The following RGL3 variants were observed in gnomAD, a reference collection of about 807,000 sequenced individuals.
RGL3 encodes ral guanine nucleotide dissociation stimulator like 3.
In RGL3, 85 loss-of-function variants were observed where a neutral mutation model predicts 90.6. That is an observed-to-expected ratio of 0.94 (90% CI 0.79 to 1.12). The LOEUF (loss-of-function observed/expected upper bound fraction) is 1.12, where lower values mean the gene tolerates loss of function less well. RGL3 is among the 50% of genes most tolerant of loss of function. The probability of loss-of-function intolerance (pLI) is 0.00; values close to 1 mark genes in which losing one functional copy is unlikely to be tolerated. For missense variants in RGL3, 1,034 were observed against 939.2 expected (o/e 1.10, Z -1.32); for synonymous variants, 408 against 385.5 (o/e 1.06, Z -0.68).
rs960424571 is a variant in RGL3 at position 11,394,229 on chromosome 19, T to C, written c.*173A>G. ...CCCATGGGCTGATGTCTTTGGAATA[T>C]GGATCTAGTACCAACAGAGTCAGAA... On this transcript the variant is annotated 3_prime_UTR_variant, in exon 19 of 19. Coordinates refer to ENST00000380456, the MANE Select transcript of RGL3 (RefSeq NM_001035223.4). The C allele has an allele frequency of 8.0e-6, 5 of 623,684 alleles. No individual in the cohort carries two copies. The African/African-American group carries it at 9.2e-5, about 11-fold the overall frequency. 38.6% of individuals were successfully genotyped at this position (623,684 alleles called of 1,614,324 possible).
chr19:11,401,170 G>C (rs979586196), intron 13 of RGL3, among the ~76,000 whole-genome samples: 1 of 151,616 alleles, frequency 6.6e-6, no homozygotes, highest in Non-Finnish European at 1.5e-5. Context: ...GAATGCTAAA[G>C]TTGAGGTCAG....
rs1216394687 is a variant in RGL3, at chr19:11,413,830, G to A, written c.637+2107C>T. Among the ~76,000 whole-genome samples the A allele has an allele frequency of 2.7e-5, 4 of 147,186 alleles. No homozygotes were observed. The East Asian group carries it at 6.1e-4, about 22-fold the overall frequency. On this transcript the variant is annotated intron_variant, in intron 5 of 18. Coordinates refer to ENST00000380456, the MANE Select transcript of RGL3 (RefSeq NM_001035223.4). ...TTGATCTCAGCTCACTGCAAGCTCC[G>A]CCTCCCAGGTTCGCGCCATTCTCCT... is the stretch of plus-strand genomic sequence containing the variant.
chr19:11,400,035 C>T lies in RGL3; in HGVS notation c.1649+5G>A, dbSNP rs915260141. The T allele has an allele frequency of 2.5e-6, 4 of 1,603,430 alleles. No homozygotes were observed. The highest frequency in any genetic ancestry group is 1.3e-5 in the African/African-American group (1 of 74,150). The stretch of plus-strand genomic sequence containing the variant: ...CCCAGTCCCATCACCAAGCAGAATG[C>T]TCACCTGGAGGTGGGGGATGAGGGG... On this transcript the variant is annotated splice_donor_5th_base_variant and intron_variant, in intron 15 of 18. Transcript: ENST00000380456.
intron 9 of RGL3, among the ~76,000 whole-genome samples, chr19:11,404,466 G>A: frequency 6.6e-6 from 1 of 152,232 alleles, no homozygotes; most frequent in East Asian, 1.9e-4. Flanking sequence ...GGTGGAGGTT[G>A]CAGTGAGCCA....
At position 11,397,349 on chromosome 19, in the gene RGL3, G is replaced by T. The variant is rs1360824223; in HGVS notation, c.1909C>A (p.Gln637Lys). 6.2e-7 allele frequency: 1 copy of T among 1,602,730 alleles called. No individual in the cohort carries two copies. The highest frequency in any genetic ancestry group is 1.3e-5 in the African/African-American group (1 of 74,780). ...NLYRSILLTS[Q>K]DKAPSVVRRA... ...CGGACCACGCTGGGGGCTTTGTCCT[G>T]ACTGGTCAGCTGGAAGAGAGGGGCG... is the stretch of plus-strand genomic sequence containing the variant. Residue 637 changes from glutamine (Q) to lysine (K), a missense_variant, in exon 18 of 19, where the codon CAG (glutamine) becomes AAG (lysine). By Grantham distance (53) the Gln-to-Lys change is moderately conservative. Transcript: ENST00000380456.
intron 8 of RGL3, 28 bp from the exon 9 acceptor site, chr19:11,405,259 G>A (rs1339958154): frequency 3.1e-6 from 5 of 1,613,062 alleles, no homozygotes; most frequent in Admixed American, 3.3e-5. Flanking sequence ...GGGTGGTCAG[G>A]GGTCAGTGGC....
intron 5 of RGL3, among the ~76,000 whole-genome samples, chr19:11,415,544 C>T (rs1460338383): frequency 6.6e-6 from 1 of 151,968 alleles, no homozygotes; most frequent in Non-Finnish European, 1.5e-5. Context: ...GGCACGATCT[C>T]GACTCACCGC....
At chr19:11,414,501 A>ATATATATATATATATACC (rs1968953104) in intron 5 of RGL3, among the ~76,000 whole-genome samples, 3 of 75,950 alleles carry the variant, frequency 3.9e-5, no homozygotes, top group African/African-American at 1.5e-4. Flanking sequence ...ATATATATAT[A>ATATATATATATATATACC]TATATATATA....
rs1416513298 is a variant in RGL3 at position 11,402,684 on chromosome 19, T to TG, written c.1207dup (p.Gln403ProfsTer46). On this transcript the variant is annotated frameshift_variant, in exon 10 of 19. Coordinates refer to ENST00000380456, the MANE Select transcript of RGL3 (RefSeq NM_001035223.4). LOFTEE classifies it high-confidence loss of function. ...GCTGCCTGGGGTGTTGTCCTCTTCTTGGGATCCCTCAGTGGCCTCCTCCTG... is the reference window on the plus strand; with the variant it reads ...GCTGCCTGGGGTGTTGTCCTCTTCTTGGGGATCCCTCAGTGGCCTCCTCCTG... The TG allele has an allele frequency of 6.2e-7, 1 of 1,613,636 alleles. No individual in the cohort carries two copies. The highest frequency in any genetic ancestry group is 8.5e-7 in the Non-Finnish European group (1 of 1,179,906).
chr19:11,410,845 AT>A (rs1039157981), intron 5 of RGL3, among the ~76,000 whole-genome samples: 1 of 151,114 alleles, frequency 6.6e-6, no homozygotes, highest in African/African-American at 2.4e-5. Flanking sequence ...AAAATGACCC[AT>A]TTTTTTTGCC....
At position 11,405,148 on chromosome 19, in the gene RGL3, T is replaced by C; in HGVS notation, c.1184A>G (p.Gln395Arg). The change falls in exon 9 of 19, where the codon CAG (glutamine) becomes CGG (arginine). Residue 395 changes from glutamine to arginine, a missense_variant and splice_region_variant. Coordinates refer to ENST00000380456, the MANE Select transcript of RGL3 (RefSeq NM_001035223.4). ...NHLSSREILFQEEATEGSQEE... is the reference protein window; with the variant it reads ...NHLSSREILFREEATEGSQEE... ...CCTGGAGTCTGCATCCATCTCTACC[T>C]GGAAAAGAATCTCTCTGCTGCTGAG... The C allele has an allele frequency of 1.2e-6, 2 of 1,613,756 alleles. No individual in the cohort carries two copies. The highest frequency in any genetic ancestry group is 1.1e-5 in the South Asian group (1 of 91,082).
chr19:11,397,204 C>A, intron 18 of RGL3, 40 bp downstream of exon 18: 1 of 1,571,660 alleles, frequency 6.4e-7, no homozygotes, highest in South Asian at 1.1e-5. Context: ...CTCGCCTCCC[C>A]GCTGCCCCCT....
intron 5 of RGL3, among the ~76,000 whole-genome samples, chr19:11,407,642 G>A (rs1156720048): frequency 6.6e-6 from 1 of 151,126 alleles, no homozygotes; most frequent in Non-Finnish European, 1.5e-5. Context: ...ATGCAAACTC[G>A]TCCACTAGCT....
At chr19:11,410,524 A>C (rs1192760734) in intron 5 of RGL3, among the ~76,000 whole-genome samples, 4 of 151,926 alleles carry the variant, frequency 2.6e-5, no homozygotes, top group Admixed American at 6.6e-5. Flanking sequence ...TCTACATAAA[A>C]AAATTTTTAA....
intron 1 of RGL3, 56 bp from the exon 2 acceptor site, chr19:11,418,840 C>A: frequency 7.2e-7 from 1 of 1,386,122 alleles, no homozygotes; most frequent in East Asian, 2.6e-5. Context: ...GGGGCCTCAG[C>A]CTCCTTGGCC....
chr19:11,405,478 C>G (rs755074415), intron 7 of RGL3, 52 bp from the exon 8 acceptor site: 13 of 407,498 alleles, frequency 3.2e-5, no homozygotes, highest in African/African-American at 2.6e-4. Context: ...CACCTTTCAT[C>G]CTGAAACTTC....
chr19:11,402,396 G>A, intron 11 of RGL3, 59 bp downstream of exon 11: 1 of 1,565,498 alleles, frequency 6.4e-7, no homozygotes, highest in Non-Finnish European at 8.7e-7. Flanking sequence ...ATATTGGGAG[G>A]CCCATTGTGC....
At chr19:11,414,659 GC>G (rs1277161499) in intron 5 of RGL3, among the ~76,000 whole-genome samples, 1 of 150,576 alleles carries the variant, frequency 6.6e-6, no homozygotes, top group African/African-American at 2.4e-5. Context: ...GGATAGAGAT[GC>G]TTTTGTGATG....
chr19:11,411,006 C>T (rs557480477), intron 5 of RGL3, among the ~76,000 whole-genome samples: 1 of 151,764 alleles, frequency 6.6e-6, no homozygotes, highest in Non-Finnish European at 1.5e-5. Context: ...GTTAGGAGTT[C>T]AAGACCAGCC....
Sources: allele counts gnomAD v4.1 joint callset (sites outside exome capture counted in the v4.1 genomes callset), GRCh38; gene constraint gnomAD v4.1.1; transcripts MANE v1.5; gene names NCBI Gene and HGNC (gene_info 2026-07-23, HGNC 2026-07-21).